The following RAPGEF4 variants were observed in gnomAD, a reference collection of about 807,000 sequenced individuals.
RAPGEF4 encodes the protein RAP guanine-nucleotide-exchange factor (GEF) 4.
RAPGEF4 carries 66 observed loss-of-function variants against 147.9 expected under a neutral mutation model. The observed-to-expected ratio is 0.45, with a 90% CI of 0.37 to 0.55. The LOEUF is 0.55. Ranked by LOEUF, RAPGEF4 falls within the 20% of genes least tolerant of loss-of-function variation. RAPGEF4 has a pLI of 0.00. For synonymous variants in RAPGEF4, 419 were observed against 442.7 expected, an observed-to-expected ratio of 0.95 and a Z score of 0.67; for missense variants, 1,071 against 1,257.3, an observed-to-expected ratio of 0.85 and a Z score of 2.24.
chr2:172,844,127 T>C (rs17706174), intron 4 of RAPGEF4, among the ~76,000 whole-genome samples: 2,300 of 152,338 alleles, frequency 0.015, 20 homozygotes, highest in South Asian at 0.031. Flanking sequence ...ATTTTACGGG[T>C]TGATCAGTAT....
intron 1 of RAPGEF4, among the ~76,000 whole-genome samples, chr2:172,770,261 C>T (rs1030386470): frequency 6.6e-6 from 1 of 152,204 alleles, no homozygotes; most frequent in African/African-American, 2.4e-5. Flanking sequence ...GGGGCAGTCA[C>T]ACATCTGTGG....
At chr2:172,817,230 C>G (rs1322733572) in intron 4 of RAPGEF4, among the ~76,000 whole-genome samples, 1 of 152,128 alleles carries the variant, frequency 6.6e-6, no homozygotes, top group African/African-American at 2.4e-5. Flanking sequence ...CTAGGGGCTT[C>G]TATTCCGCTC....
rs1399324369 is a variant in RAPGEF4, at chr2:173,048,668, T to C, written c.2908+14T>C. The C allele has an allele frequency of 6.2e-7, 1 of 1,614,138 alleles. No individual in the cohort carries two copies. Among genetic ancestry groups the C allele is most frequent in the Non-Finnish European group, 8.5e-7 (1 of 1,180,008 alleles). Reference sequence around the variant, plus strand: ...GCCAACCCTTCAGTAAGTTAAGTGCTGCCACCTCTTACAATGTAGATGTTG... The same window carrying C: ...GCCAACCCTTCAGTAAGTTAAGTGCCGCCACCTCTTACAATGTAGATGTTG... On this transcript the variant is annotated intron_variant, in intron 30 of 30. Coordinates refer to ENST00000397081, the MANE Select transcript of RAPGEF4 (RefSeq NM_007023.4).
chr2:172,938,781 A>G (rs889452767), intron 6 of RAPGEF4, among the ~76,000 whole-genome samples: 2 of 152,236 alleles, frequency 1.3e-5, no homozygotes, highest in Admixed American at 6.5e-5. Flanking sequence ...ATTACAGTAC[A>G]GTATCATACA....
At chr2:172,876,158 TG>T (rs1317049848) in intron 4 of RAPGEF4, among the ~76,000 whole-genome samples, 1 of 152,184 alleles carries the variant, frequency 6.6e-6, no homozygotes, top group Non-Finnish European at 1.5e-5. Flanking sequence ...GCTGAGACGA[TG>T]GGGTTTTCTA....
chr2:172,823,308 G>T (rs1357795587), intron 4 of RAPGEF4, among the ~76,000 whole-genome samples: 1 of 152,196 alleles, frequency 6.6e-6, no homozygotes, highest in African/African-American at 2.4e-5. Flanking sequence ...GTGTTGTGTG[G>T]CACTCTGGGT....
Position 173,050,819 on chromosome 2 carries a change from C to T in RAPGEF4, c.2909-821C>T, listed in dbSNP as rs148311950. Among the ~76,000 whole-genome samples, 60 of 149,050 alleles carry T rather than the reference C, an allele frequency of 4.0e-4. No individual in the cohort carries two copies. The East Asian group carries it at 0.011, about 26-fold the overall frequency. On this transcript the variant is annotated intron_variant, in intron 30 of 30. Transcript: ENST00000397081. ...AGGCACAGATTCCCCGTGGCAGCAA[C>T]ATGCAGAAGCCAGGTCATCACTTCC...
At chr2:172,772,065 C>T (rs1001464938) in intron 1 of RAPGEF4, among the ~76,000 whole-genome samples, 1 of 151,944 alleles carries the variant, frequency 6.6e-6, no homozygotes, top group Non-Finnish European at 1.5e-5. Context: ...ATGGTGAAAC[C>T]CTGTCTCTAC....
chr2:172,843,511 G>A (rs1005150372), intron 4 of RAPGEF4, among the ~76,000 whole-genome samples: 1 of 152,102 alleles, frequency 6.6e-6, no homozygotes, highest in Non-Finnish European at 1.5e-5. Context: ...ATTTTATTTT[G>A]CCTTTAGAGT....
At chr2:172,808,550 T>C (rs1275027773) in intron 3 of RAPGEF4, among the ~76,000 whole-genome samples, 1 of 152,218 alleles carries the variant, frequency 6.6e-6, no homozygotes, top group Non-Finnish European at 1.5e-5. Context: ...TTTAGAAATA[T>C]GGATAACCCA....
chr2:172,780,643 G>A (rs1029849862), intron 1 of RAPGEF4, among the ~76,000 whole-genome samples: 9 of 152,226 alleles, frequency 5.9e-5, no homozygotes, highest in Middle Eastern at 3.4e-3. Context: ...ATTTTGGAGT[G>A]GAATATTCTG....
chr2:172,936,590 G>GTT (rs58339466), intron 6 of RAPGEF4, among the ~76,000 whole-genome samples: 189 of 143,894 alleles, frequency 1.3e-3, no homozygotes, highest in African/African-American at 4.5e-3. Flanking sequence ...CATTTTTATT[G>GTT]TTTTTTTTTT....
chr2:172,746,466 C>T (rs1414343845), intron 1 of RAPGEF4, among the ~76,000 whole-genome samples: 1 of 152,110 alleles, frequency 6.6e-6, no homozygotes, highest in Non-Finnish European at 1.5e-5. Flanking sequence ...CTGTGGAAAC[C>T]AAGGGACATA....
In RAPGEF4 at chr2:172,770,349, A is replaced by C. The variant is rs369001477; in HGVS notation, c.66-24676A>C. Among the ~76,000 whole-genome samples the C allele has an allele frequency of 5.9e-5, 9 of 152,302 alleles. 1 individual carries two copies. The South Asian group carries it at 6.2e-4, about 11-fold the overall frequency. ...TCCAGGCTGGGCTACCCCACTGCCT[A>C]TGGAGATTTAGGGGAAGTTCCCAAC... is the stretch of plus-strand genomic sequence containing the variant. On this transcript the variant is annotated intron_variant, in intron 1 of 30. Coordinates refer to ENST00000397081, the MANE Select transcript of RAPGEF4 (RefSeq NM_007023.4).
In RAPGEF4 at chr2:172,759,934, C is replaced by T. The variant is rs1018836169; in HGVS notation, c.65+23886C>T. Among the ~76,000 whole-genome samples the T allele has an allele frequency of 1.3e-5, 2 of 152,282 alleles. 1 individual carries two copies. Among genetic ancestry groups the T allele is most frequent in the African/African-American group, 4.8e-5 (2 of 41,546 alleles). On this transcript the variant is annotated intron_variant, in intron 1 of 30. Coordinates refer to ENST00000397081, the MANE Select transcript of RAPGEF4 (RefSeq NM_007023.4). Reference sequence around the variant, plus strand: ...GAGAGAAAAGGCAGACTGGCTTGGGCCCTCTCTATCTGAAGGACACAGTGG... The same window carrying T: ...GAGAGAAAAGGCAGACTGGCTTGGGTCCTCTCTATCTGAAGGACACAGTGG...
intron 1 of RAPGEF4, among the ~76,000 whole-genome samples, chr2:172,777,133 C>G (rs1156433297): frequency 6.6e-6 from 1 of 152,042 alleles, no homozygotes; most frequent in Non-Finnish European, 1.5e-5. Flanking sequence ...TATTTTTAAG[C>G]TTTATTAGAA....
chr2:172,792,637 G>A (rs1277105959), intron 1 of RAPGEF4, among the ~76,000 whole-genome samples: 1 of 152,162 alleles, frequency 6.6e-6, no homozygotes, highest in Non-Finnish European at 1.5e-5. Context: ...AAGATGAAGA[G>A]CTTTTAAACT....
chr2:172,772,804 G>T (rs181712140), intron 1 of RAPGEF4, among the ~76,000 whole-genome samples: 116 of 152,294 alleles, frequency 7.6e-4, no homozygotes, highest in Non-Finnish European at 2.5e-4. Flanking sequence ...TCACAGTCTG[G>T]GGGAAGACAG....
At chr2:172,919,313 C>G (rs1684452961) in intron 5 of RAPGEF4, among the ~76,000 whole-genome samples, 1 of 152,170 alleles carries the variant, frequency 6.6e-6, no homozygotes, top group South Asian at 2.1e-4. Context: ...TTCCTCACCT[C>G]CAGTCACTCT....
Sources: gnomAD v4.1 joint callset for allele counts (sites outside exome capture counted in the v4.1 genomes callset) on GRCh38, gnomAD v4.1.1 for gene constraint, MANE v1.5 for transcripts, NCBI Gene and HGNC (gene_info 2026-07-23, HGNC 2026-07-21) for gene names.